Variants in PLD5 observed in about 807,000 individuals in gnomAD.
PLD5 encodes phospholipase D family member 5.
Under a neutral mutation model 61.1 loss-of-function variants are expected in PLD5, and 36 were observed. The observed-to-expected ratio is 0.59, with a 90% confidence interval of 0.45 to 0.78. The LOEUF (loss-of-function observed/expected upper bound fraction) is 0.78, where lower values mean the gene tolerates loss of function less well. Ranked by LOEUF, PLD5 falls within the 30% of genes least tolerant of loss-of-function variation. The pLI, the probability that PLD5 is intolerant of heterozygous loss-of-function variation, is 0.00. For missense variants in PLD5, 515 were observed against 644.4 expected (o/e 0.80, Z 2.17); for synonymous variants, 243 against 242.8 (o/e 1.00, Z -0.01).
At chr1:242,164,530 A>G (rs1666158746) in intron 5 of PLD5, among the ~76,000 whole-genome samples, 1 of 152,202 alleles carries the variant, frequency 6.6e-6, no homozygotes, top group Non-Finnish European at 1.5e-5. Context: ...AGAGCAAGAC[A>G]CTATAAGCAA....
chr1:242,268,076 T>C (rs1673808131), intron 3 of PLD5, among the ~76,000 whole-genome samples: 1 of 152,096 alleles, frequency 6.6e-6, no homozygotes, highest in Non-Finnish European at 1.5e-5. Context: ...GTACAGGATG[T>C]GAGGGAGAAT....
chr1:242,370,701 C>T (rs558448336), intron 1 of PLD5, among the ~76,000 whole-genome samples: 4 of 152,252 alleles, frequency 2.6e-5, no homozygotes, highest in Non-Finnish European at 4.4e-5. Context: ...CAAGAACACA[C>T]TGTCAATGTC....
intron 4 of PLD5, among the ~76,000 whole-genome samples, chr1:242,240,126 TG>T (rs1671903277): frequency 6.6e-6 from 1 of 152,240 alleles, no homozygotes; most frequent in African/African-American, 2.4e-5. Context: ...ACACTGCACA[TG>T]GCAAGTGGCC....
chr1:242,267,145 AAAGAG>A (rs1673732840), intron 3 of PLD5, among the ~76,000 whole-genome samples: 1 of 151,522 alleles, frequency 6.6e-6, no homozygotes, highest in Admixed American at 6.6e-5. Context: ...AACAAAAAAA[AAAGAG>A]AGAGAAAAGA....
At chr1:242,272,293 C>T (rs1339829470) in intron 3 of PLD5, among the ~76,000 whole-genome samples, 8 of 152,116 alleles carry the variant, frequency 5.3e-5, no homozygotes, top group Admixed American at 1.3e-4. Context: ...AATTAATACA[C>T]TATCACAATG....
intron 9 of PLD5, among the ~76,000 whole-genome samples, chr1:242,096,317 ATCTC>A (rs534807901): frequency 4.2e-5 from 6 of 144,270 alleles, no homozygotes; most frequent in Admixed American, 1.4e-4. Flanking sequence ...CGAAAGATCG[ATCTC>A]TCTCTCTCTC....
chr1:242,104,078 C>A (rs367775360), intron 8 of PLD5, among the ~76,000 whole-genome samples: 1 of 152,018 alleles, frequency 6.6e-6, no homozygotes, highest in African/African-American at 2.4e-5. Flanking sequence ...GGATATAATT[C>A]GGATGTGTAG....
chr1:242,309,998 T>A (rs1257244539), intron 2 of PLD5, among the ~76,000 whole-genome samples: 2 of 151,670 alleles, frequency 1.3e-5, no homozygotes, highest in Non-Finnish European at 2.9e-5. Flanking sequence ...CAGTGGGTTT[T>A]CAGTCTTCAC....
At chr1:242,294,880 C>T (rs372990184) in intron 2 of PLD5, among the ~76,000 whole-genome samples, 140 of 152,234 alleles carry the variant, frequency 9.2e-4, no homozygotes, top group Middle Eastern at 3.4e-3. Context: ...CTAAAAGGAG[C>T]CTTAGAAACT....
chr1:242,300,101 A>G (rs1345128361), intron 2 of PLD5, among the ~76,000 whole-genome samples: 1 of 152,330 alleles, frequency 6.6e-6, no homozygotes, highest in South Asian at 2.1e-4. Flanking sequence ...ATGAGATGCA[A>G]AGAATTTGTG....
intron 1 of PLD5, among the ~76,000 whole-genome samples, chr1:242,405,123 C>T (rs760257452): frequency 6.6e-5 from 10 of 152,010 alleles, no homozygotes; most frequent in Admixed American, 2.0e-4. Context: ...TCCAGTGATT[C>T]ACCTGCCTTG....
At chr1:242,180,436 G>A (rs562343406) in intron 5 of PLD5, among the ~76,000 whole-genome samples, 1 of 151,952 alleles carries the variant, frequency 6.6e-6, no homozygotes, top group South Asian at 2.1e-4. Context: ...CCTCCCTGTG[G>A]TATCAATGAA....
At chr1:242,260,757 T>G (rs1301609490) in intron 4 of PLD5, among the ~76,000 whole-genome samples, 2 of 152,080 alleles carry the variant, frequency 1.3e-5, no homozygotes, top group Non-Finnish European at 2.9e-5. Context: ...AATAGAACAA[T>G]CTCCAAACGT....
chr1:242,123,592 G>A (rs1321661786), intron 6 of PLD5, among the ~76,000 whole-genome samples: 2 of 152,146 alleles, frequency 1.3e-5, no homozygotes, highest in Non-Finnish European at 2.9e-5. Context: ...TCTGAGATGT[G>A]GGAGGAAACA....
intron 4 of PLD5, among the ~76,000 whole-genome samples, chr1:242,230,877 C>T (rs979341237): frequency 6.6e-6 from 1 of 152,156 alleles, no homozygotes; most frequent in Non-Finnish European, 1.5e-5. Flanking sequence ...GTTGTCTCTT[C>T]CCTGTCATAT....
intron 5 of PLD5, among the ~76,000 whole-genome samples, chr1:242,163,125 G>A (rs1474346115): frequency 5.3e-5 from 7 of 132,766 alleles, no homozygotes; most frequent in Non-Finnish European, 9.9e-5. Context: ...CTTCCCTCAA[G>A]TCTTTTATTT....
At chr1:242,242,055 T>C (rs1672091595) in intron 4 of PLD5, among the ~76,000 whole-genome samples, 1 of 131,344 alleles carries the variant, frequency 7.6e-6, no homozygotes, top group African/African-American at 3.0e-5. Context: ...ATATGGTTGA[T>C]GGAGAGAAGG....
intron 1 of PLD5, among the ~76,000 whole-genome samples, chr1:242,494,542 C>T (rs1002303068): frequency 2.6e-5 from 4 of 152,158 alleles, no homozygotes; most frequent in African/African-American, 4.8e-5. Context: ...CACATCTCCC[C>T]GCCTCTAGCC....
intron 4 of PLD5, chr1:242,236,002 T>A (rs10803029): frequency 0.21 from 31,564 of 152,120 alleles, 3,604 homozygotes; most frequent in East Asian, 0.38. Context: ...CATGCACAAG[T>A]GACTGTGATA....
Sources: gnomAD v4.1 joint callset for allele counts (sites outside exome capture counted in the v4.1 genomes callset) on GRCh38, gnomAD v4.1.1 for gene constraint, MANE v1.5 for transcripts, NCBI Gene and HGNC (gene_info 2026-07-23, HGNC 2026-07-21) for gene names.